CENPA: variants seen among roughly 807,000 people sequenced by gnomAD.
CENPA encodes the protein histone H3-like centromeric protein A.
Under a neutral mutation model 17.2 loss-of-function variants are expected in CENPA, and 7 were observed. The observed-to-expected ratio is 0.41, with a 90% CI of 0.23 to 0.76. CENPA has a LOEUF of 0.76. CENPA is among the 30% of genes least tolerant of loss of function. The pLI, the probability that CENPA is intolerant of heterozygous loss-of-function variation, is 0.34. For missense variants in CENPA, 149 were observed against 193.1 expected (o/e 0.77, Z 1.35); for synonymous variants, 82 against 77.4 (o/e 1.06, Z -0.31).
In CENPA at chr2:26,792,924, C is replaced by G. The variant is rs185996600; in HGVS notation, c.288+91C>G. The G allele has an allele frequency of 1.3e-4, 177 of 1,324,702 alleles. 2 individuals carry two copies. The East Asian group carries it at 4.0e-3, about 30-fold the overall frequency. 82.1% of individuals were successfully genotyped at this position (1,324,702 alleles called of 1,614,324 possible). The stretch of plus-strand genomic sequence containing the variant: ...CCAGTGCTGACTGGAGTGTCACATG[C>G]TGAATCTGACCTCTGGAAAAGAACA... On this transcript the variant is annotated intron_variant, in intron 3 of 4. Coordinates refer to ENST00000335756, the MANE Select transcript of CENPA (RefSeq NM_001809.4).
rs938788398 is a variant in CENPA at position 26,786,258 on chromosome 2, C to G, written c.62C>G (p.Thr21Ser). Residue 21 changes from threonine (T) to serine (S), a missense_variant, in exon 1 of 5, where the codon ACC (threonine) becomes AGC (serine). Thr to Ser is a moderately conservative substitution (Grantham distance 58). Around this residue, in one of 2 missense-constraint regions of CENPA, gnomAD observed 95 missense variants for 87.5 expected, o/e 1.09. Transcript: ENST00000335756. ...CCGAGGAGGCGCAGCCCGAGCCCGA[C>G]CCCGACCCCCGGCCCCTCCCGGCGG... The part of the protein sequence containing the change: ...EAPRRRSPSP[T>S]PTPGPSRRGP... 2.9e-6 allele frequency: 4 copies of G among 1,363,268 alleles called. No individual in the cohort carries two copies. In the African/African-American group the frequency reaches 4.6e-5, roughly 16 times the overall value. The allele number at this position is 1,363,268 out of a possible 1,614,324, so 84.4% of individuals were successfully genotyped here.
chr2:26,787,746 A>C (rs550519503), intron 1 of CENPA, among the ~76,000 whole-genome samples: 1 of 152,248 alleles, frequency 6.6e-6, no homozygotes, highest in African/African-American at 2.4e-5. Flanking sequence ...GGTTGTTTCT[A>C]GATGTTGCTG....
intron 4 of CENPA, 59 bp from the exon 5 acceptor site, chr2:26,793,753 G>A (rs1664663590): frequency 6.5e-6 from 1 of 152,866 alleles, no homozygotes; most frequent in South Asian, 2.1e-4. Context: ...TTTTGATTAA[G>A]AGAAAGTTTT....
At chr2:26,787,341 G>T (rs1664526867) in intron 1 of CENPA, among the ~76,000 whole-genome samples, 1 of 152,108 alleles carries the variant, frequency 6.6e-6, no homozygotes, top group South Asian at 2.1e-4. Context: ...TCAGCCTCCC[G>T]AGTAGCTGGG....
At chr2:26,791,838 T>G (rs1052649901) in intron 1 of CENPA, among the ~76,000 whole-genome samples, 1 of 152,230 alleles carries the variant, frequency 6.6e-6, no homozygotes, top group African/African-American at 2.4e-5. Context: ...TAAAATCAAC[T>G]GCAGAGGATC....
chr2:26,792,059 A>G, intron 1 of CENPA, 72 bp from the exon 2 acceptor site: 1 of 1,262,304 alleles, frequency 7.9e-7, no homozygotes, highest in Non-Finnish European at 1.1e-6. Flanking sequence ...TAGCAATTTG[A>G]CAGCTTACCT....
intron 2 of CENPA, 135 bp downstream of exon 2, chr2:26,792,375 C>A (rs1558299187): frequency 1.4e-6 from 1 of 709,164 alleles, no homozygotes; most frequent in Non-Finnish European, 2.5e-6. Flanking sequence ...GGATTCTTTT[C>A]TGAAAACATG....
chr2:26,790,826 C>T (rs1202822309), intron 1 of CENPA, among the ~76,000 whole-genome samples: 2 of 138,486 alleles, frequency 1.4e-5, no homozygotes, highest in Non-Finnish European at 2.9e-5. Flanking sequence ...GGCTGCCTGG[C>T]ACAGGCCATC....
At chr2:26,787,285 C>G (rs777089020) in intron 1 of CENPA, among the ~76,000 whole-genome samples, 1 of 151,924 alleles carries the variant, frequency 6.6e-6, no homozygotes, top group Non-Finnish European at 1.5e-5. Flanking sequence ...GCGCGATCTC[C>G]GCTCACGGCA....
chr2:26,787,774 T>C (rs568881932), intron 1 of CENPA, among the ~76,000 whole-genome samples: 1 of 152,332 alleles, frequency 6.6e-6, no homozygotes, highest in Non-Finnish European at 1.5e-5. Context: ...TGGGATTTTT[T>C]TTCTTTCCCA....
At chr2:26,792,594 C>A (rs773700668) in intron 2 of CENPA, 162 bp from the exon 3 acceptor site, 9 of 739,204 alleles carry the variant, frequency 1.2e-5, no homozygotes, top group Non-Finnish European at 2.0e-5. Flanking sequence ...TCCTAAGCTC[C>A]CAGGAGTCAA....
Position 26,786,151 on chromosome 2 carries a change from G to T in CENPA, c.-46G>T. 3 of 1,390,696 alleles carry T rather than the reference G, an allele frequency of 2.2e-6. No individual in the cohort carries two copies. Among genetic ancestry groups the T allele is most frequent in the South Asian group, 3.1e-5 (2 of 64,512 alleles). 86.1% of individuals were successfully genotyped at this position (1,390,696 alleles called of 1,614,324 possible). ...CTTTCGCTCCCGGACCCGGCAGCCC[G>T]AGCAGGAGCCGTGGGACCGGGCGCC... On this transcript the variant is annotated 5_prime_UTR_variant, in exon 1 of 5. Coordinates refer to ENST00000335756, the MANE Select transcript of CENPA (RefSeq NM_001809.4).
rs992404605 is a variant in CENPA, at chr2:26,794,428, A to G, written c.*664A>G. On this transcript the variant is annotated 3_prime_UTR_variant, in exon 5 of 5. Transcript: ENST00000335756. ...TTCTAGTAAATTCCTGTCAAAATCAATTCAGAAATTCTAACTTGGAGAATT... is the reference window on the plus strand; with the variant it reads ...TTCTAGTAAATTCCTGTCAAAATCAGTTCAGAAATTCTAACTTGGAGAATT... 5 of 152,226 alleles carry G rather than the reference A, an allele frequency of 3.3e-5. No homozygotes were observed. Among genetic ancestry groups the G allele is most frequent in the Non-Finnish European group, 7.3e-5 (5 of 68,036 alleles). 9.4% of individuals were successfully genotyped at this position (152,226 alleles called of 1,614,324 possible).
chr2:26,793,043 T>A, intron 3 of CENPA, 102 bp from the exon 4 acceptor site: 1 of 1,491,756 alleles, frequency 6.7e-7, no homozygotes, highest in South Asian at 1.2e-5. Context: ...AATAGTTTCC[T>A]ACAATCCTTT....
chr2:26,792,893 A>C, intron 3 of CENPA, 60 bp downstream of exon 3: 1 of 1,487,926 alleles, frequency 6.7e-7, no homozygotes. Flanking sequence ...GGCAGCCTAG[A>C]ATTCTCCAGT....
intron 1 of CENPA, among the ~76,000 whole-genome samples, chr2:26,788,767 C>A (rs1664561633): frequency 6.6e-6 from 1 of 152,200 alleles, no homozygotes; most frequent in Non-Finnish European, 1.5e-5. Flanking sequence ...CCTCTACCTC[C>A]CGGGTTCAAG....
rs34486872 is a variant in CENPA at position 26,788,364 on chromosome 2, C to CA, written c.100+2078dup. ...GACAAATTGTTTTGTCTCTACAGAA[C>CA]AAAAAAAAAACAGCCATCGTGCCTG... On this transcript the variant is annotated intron_variant, in intron 1 of 4. Transcript: ENST00000335756. Among the ~76,000 whole-genome samples, 604 of 147,414 alleles carry CA rather than the reference C, an allele frequency of 4.1e-3. 3 individuals carry two copies. The highest frequency in any genetic ancestry group is 6.5e-3 in the East Asian group (33 of 5,076).
At chr2:26,787,476 A>G (rs1459091031) in intron 1 of CENPA, among the ~76,000 whole-genome samples, 1 of 151,658 alleles carries the variant, frequency 6.6e-6, no homozygotes, top group Non-Finnish European at 1.5e-5. Context: ...CGGTCTCCCA[A>G]AGTGCTGGGA....
intron 1 of CENPA, 127 bp from the exon 2 acceptor site, chr2:26,792,004 G>T: frequency 1.2e-6 from 1 of 805,956 alleles, no homozygotes; most frequent in Non-Finnish European, 2.1e-6. Flanking sequence ...TAATAAAACA[G>T]ACAAAAATCC....
Sources: gnomAD v4.1 joint callset for allele counts (sites outside exome capture counted in the v4.1 genomes callset) on GRCh38, gnomAD v4.1.1 for gene constraint, gnomAD v4.1.1 regional missense constraint, MANE v1.5 for transcripts, NCBI Gene and HGNC (gene_info 2026-07-23, HGNC 2026-07-21) for gene names.